Variants in ARHGEF11 observed in about 807,000 individuals in gnomAD.
ARHGEF11 encodes the protein Rho guanine nucleotide exchange factor 11.
A neutral mutation model predicts 193.7 loss-of-function variants in ARHGEF11; 55 were observed. The ratio of observed to expected loss-of-function variants is 0.28; its 90% confidence interval spans 0.23 to 0.36. ARHGEF11 has a LOEUF of 0.36. ARHGEF11 is among the 10% of genes least tolerant of loss of function. The pLI, the probability that ARHGEF11 is intolerant of heterozygous loss-of-function variation, is 1.00. For missense variants in ARHGEF11, 1,723 were observed against 2,005.6 expected, an observed-to-expected ratio of 0.86 and a Z score of 2.69; for synonymous variants, 693 against 768.0, an observed-to-expected ratio of 0.90 and a Z score of 1.62.
chr1:157,046,072 C>T (rs1053025613), upstream of ARHGEF11, among the ~76,000 whole-genome samples: 3 of 151,208 alleles, frequency 2.0e-5, no homozygotes, highest in African/African-American at 7.3e-5. Context: ...CCCCACAACC[C>T]TTTGCCGTCG....
chr1:156,946,724 T>C lies in ARHGEF11; in HGVS notation c.2632A>G (p.Ile878Val), dbSNP rs149020405. The change falls in exon 28 of 41, where the codon ATA (isoleucine) becomes GTA (valine). Residue 878 changes from isoleucine (I) to valine (V), a missense_variant. This residue lies in a region of ARHGEF11 where 491 missense variants were observed against 654.5 expected (regional missense o/e 0.75). Transcript: ENST00000368194. Reference sequence around the variant, plus strand: ...TTGGTCTTGATTAGCTCTAGGGCTATTGACTGATAGGAACAGAACTGTGCA... The same window carrying C: ...TTGGTCTTGATTAGCTCTAGGGCTACTGACTGATAGGAACAGAACTGTGCA... Reference protein sequence around the residue: ...VAAQFCSYQSIALELIKTKQR... With the variant: ...VAAQFCSYQSVALELIKTKQR... 1.7e-4 allele frequency: 273 copies of C among 1,614,198 alleles called. No individual in the cohort carries two copies. Among genetic ancestry groups the C allele is most frequent in the Non-Finnish European group, 2.1e-4 (245 of 1,180,032 alleles).
chr1:156,941,809 A>G, intron 34 of ARHGEF11, 55 bp downstream of exon 34: 2 of 1,547,056 alleles, frequency 1.3e-6, no homozygotes, highest in Non-Finnish European at 1.7e-6. Context: ...AAGCAGCAGG[A>G]AACAGGAGGT....
chr1:156,949,348 C>A (rs527427405), intron 22 of ARHGEF11, among the ~76,000 whole-genome samples: 1 of 152,292 alleles, frequency 6.6e-6, no homozygotes, highest in Non-Finnish European at 1.5e-5. Context: ...AGGATGGTCA[C>A]CCCACCTCCA....
chr1:157,015,907 G>A (rs1669167135), intron 1 of ARHGEF11, among the ~76,000 whole-genome samples: 1 of 152,182 alleles, frequency 6.6e-6, no homozygotes, highest in Non-Finnish European at 1.5e-5. Flanking sequence ...CCTGCCCTCT[G>A]GGAATTCTCA....
intron 13 of ARHGEF11, 49 bp from the exon 14 acceptor site, chr1:156,961,824 G>T (rs1329557516): frequency 1.3e-6 from 2 of 1,561,216 alleles, no homozygotes; most frequent in South Asian, 1.1e-5. Context: ...CCCCAGCAGT[G>T]ATTTTGCCCC....
At chr1:156,980,845 GGGAA>G (rs200659821) in intron 3 of ARHGEF11, among the ~76,000 whole-genome samples, 19 of 103,802 alleles carry the variant, frequency 1.8e-4, no homozygotes, top group African/African-American at 5.0e-4. Flanking sequence ...GGGGGGGGGG[GGGAA>G]ATGAGTTTAC....
intron 7 of ARHGEF11, 38 bp from the exon 8 acceptor site, chr1:156,971,854 G>T: frequency 6.3e-7 from 1 of 1,595,318 alleles, no homozygotes; most frequent in Admixed American, 1.7e-5. Flanking sequence ...GAGGGGAAAA[G>T]GCAGAGGGGT....
chr1:157,027,458 A>G (rs966082518), intron 1 of ARHGEF11, among the ~76,000 whole-genome samples: 2 of 152,100 alleles, frequency 1.3e-5, no homozygotes, highest in Non-Finnish European at 2.9e-5. Flanking sequence ...AAGAAAAGAT[A>G]ATTGGATGTC....
chr1:156,946,154 C>T lies in ARHGEF11; in HGVS notation c.2703G>A (p.Glu901=). 6.2e-7 allele frequency: 1 copy of T among 1,613,134 alleles called. No individual in the cohort carries two copies. The highest frequency in any genetic ancestry group is 8.5e-7 in the Non-Finnish European group (1 of 1,179,710). ...SRFQLFMQEA[E]SHPQCRRLQL... Reference sequence around the variant, plus strand: ...GCAGCCGCCGACACTGAGGGTGGCTCTCAGCCTCCTAGACAGCAGGAGACA... The same window carrying T: ...GCAGCCGCCGACACTGAGGGTGGCTTTCAGCCTCCTAGACAGCAGGAGACA... The change falls in exon 29 of 41, where the codon GAG becomes GAA. Residue 901 remains glutamate, a synonymous_variant. Coordinates refer to ENST00000368194, the MANE Select transcript of ARHGEF11 (RefSeq NM_198236.3).
intron 20 of ARHGEF11, 149 bp from the exon 21 acceptor site, chr1:156,955,070 C>T (rs1361591794): frequency 1.2e-5 from 8 of 678,422 alleles, no homozygotes; most frequent in Non-Finnish European, 2.0e-5. Context: ...CCGTTTCCTG[C>T]AATGCAGCAA....
At position 156,956,410 on chromosome 1, in the gene ARHGEF11, C is replaced by T. The variant is rs762709310; in HGVS notation, c.1671+10G>A. ...GATTACAGGCATGAGCCACCATGCC[C>T]GGCCCTCACCTTCTTGGTCTTAGGG... On this transcript the variant is annotated intron_variant, in intron 19 of 40. Coordinates refer to ENST00000368194, the MANE Select transcript of ARHGEF11 (RefSeq NM_198236.3). 3.1e-5 allele frequency: 50 copies of T among 1,613,768 alleles called. No individual in the cohort carries two copies. The highest frequency in any genetic ancestry group is 1.3e-4 in the African/African-American group (10 of 75,034).
At chr1:156,980,843 G>A (rs917200169) in intron 3 of ARHGEF11, among the ~76,000 whole-genome samples, 1 of 116,320 alleles carries the variant, frequency 8.6e-6, no homozygotes, top group Non-Finnish European at 1.8e-5. Flanking sequence ...CGGGGGGGGG[G>A]GGGGAAATGA....
At chr1:156,945,502 T>A in intron 29 of ARHGEF11, 1 of 374,732 alleles carries the variant, frequency 2.7e-6, no homozygotes, top group South Asian at 3.8e-5. Context: ...GCCACAATTA[T>A]GCCTCTAGAA....
At chr1:157,040,945 AACT>A (rs1372325758) in intron 1 of ARHGEF11, among the ~76,000 whole-genome samples, 2 of 152,250 alleles carry the variant, frequency 1.3e-5, no homozygotes, top group Non-Finnish European at 2.9e-5. Flanking sequence ...TATAGAAATG[AACT>A]ACTACTGCTT....
intron 1 of ARHGEF11, among the ~76,000 whole-genome samples, chr1:157,026,248 C>G (rs966143429): frequency 2.8e-4 from 43 of 152,234 alleles, no homozygotes; most frequent in African/African-American, 9.6e-4. Context: ...AGATTCTTTT[C>G]TCTACCTTCT....
chr1:157,025,270 A>C (rs1032352900), intron 1 of ARHGEF11, among the ~76,000 whole-genome samples: 1 of 152,192 alleles, frequency 6.6e-6, no homozygotes, highest in Admixed American at 6.5e-5. Context: ...GGTCTTTTGC[A>C]GGTGCCTTTC....
chr1:156,983,852 T>A (rs1423168277), intron 3 of ARHGEF11, among the ~76,000 whole-genome samples: 1 of 152,232 alleles, frequency 6.6e-6, no homozygotes, highest in African/African-American at 2.4e-5. Flanking sequence ...ACATCCAACA[T>A]ATATCATTCA....
intron 1 of ARHGEF11, among the ~76,000 whole-genome samples, chr1:157,025,990 T>C (rs887035887): frequency 2.6e-5 from 4 of 152,242 alleles, no homozygotes; most frequent in African/African-American, 9.6e-5. Flanking sequence ...AAGTGGATTC[T>C]TATCCTTTGC....
chr1:156,973,880 T>A (rs1272088847), intron 7 of ARHGEF11, among the ~76,000 whole-genome samples: 1 of 152,212 alleles, frequency 6.6e-6, no homozygotes, highest in Non-Finnish European at 1.5e-5. Context: ...TCTACTGCAA[T>A]AGCCTCCTCG....
Sources: allele counts gnomAD v4.1 joint callset (sites outside exome capture counted in the v4.1 genomes callset), GRCh38; gene constraint gnomAD v4.1.1; regional missense constraint gnomAD v4.1.1; transcripts MANE v1.5; gene names NCBI Gene and HGNC (gene_info 2026-07-23, HGNC 2026-07-21).